LRRC49: variants seen among roughly 807,000 people sequenced by gnomAD.
LRRC49 encodes the protein leucine-rich repeat-containing protein 49.
A neutral mutation model predicts 83.3 loss-of-function variants in LRRC49; 50 were observed. That is an observed-to-expected ratio of 0.60 (90% CI 0.48 to 0.76). LRRC49 has a LOEUF of 0.76. Among genes scored for constraint, LRRC49 ranks in the 30% least tolerant of loss-of-function variants. The probability of loss-of-function intolerance (pLI) is 0.00; values close to 1 mark genes in which losing one functional copy is unlikely to be tolerated. For synonymous variants in LRRC49, 286 were observed against 283.3 expected (o/e 1.01, Z -0.10); for missense variants, 704 against 809.1 (o/e 0.87, Z 1.58).
At chr15:70,979,187 T>A (rs1567080529) in intron 9 of LRRC49, among the ~76,000 whole-genome samples, 1 of 152,122 alleles carries the variant, frequency 6.6e-6, no homozygotes, top group African/African-American at 2.4e-5. Context: ...TTATAACCTT[T>A]AAAAAAATTG....
At chr15:70,971,477 A>G (rs1480821004) in intron 9 of LRRC49, among the ~76,000 whole-genome samples, 2 of 152,182 alleles carry the variant, frequency 1.3e-5, no homozygotes, top group East Asian at 1.9e-4. Context: ...GTAGATGTCT[A>G]TTAGGTCCAC....
In LRRC49 at chr15:70,912,638, C is replaced by T. The variant is rs1297856320; in HGVS notation, c.567+1040C>T. Among the ~76,000 whole-genome samples the T allele has an allele frequency of 2.6e-5, 4 of 151,600 alleles. No individual in the cohort carries two copies. In the East Asian group the frequency reaches 7.7e-4, roughly 29 times the overall value. ...CCAATTATGTTCAATTTGTCTATTC[C>T]TGTATCTGTCTGAATTTCTATATTT... On this transcript the variant is annotated intron_variant, in intron 6 of 15. Coordinates refer to ENST00000260382, the MANE Select transcript of LRRC49 (RefSeq NM_017691.5).
intron 8 of LRRC49, among the ~76,000 whole-genome samples, chr15:70,940,251 A>ATTT (rs398027829): frequency 2.0e-4 from 17 of 87,068 alleles, no homozygotes; most frequent in Non-Finnish European, 2.6e-4. Flanking sequence ...GAATATATGG[A>ATTT]TTTTTTTTTT....
At chr15:70,871,774 G>A (rs1337871623) in intron 1 of LRRC49, among the ~76,000 whole-genome samples, 3 of 151,372 alleles carry the variant, frequency 2.0e-5, no homozygotes, top group Admixed American at 6.6e-5. Flanking sequence ...CGGCCGGGCA[G>A]AGGCTCTCCT....
At chr15:70,987,378 C>T (rs1323569894) in intron 11 of LRRC49, among the ~76,000 whole-genome samples, 2 of 152,150 alleles carry the variant, frequency 1.3e-5, no homozygotes, top group Admixed American at 6.5e-5. Flanking sequence ...GTGTATGTGT[C>T]GAGGAATTTA....
intron 8 of LRRC49, among the ~76,000 whole-genome samples, chr15:70,949,338 G>C (rs1181072050): frequency 6.6e-6 from 1 of 152,184 alleles, no homozygotes; most frequent in East Asian, 1.9e-4. Context: ...CTGTTGTCTA[G>C]TGATATCATA....
intron 2 of LRRC49, among the ~76,000 whole-genome samples, chr15:70,884,686 T>C (rs2033358440): frequency 1.3e-5 from 2 of 152,194 alleles, no homozygotes; most frequent in South Asian, 4.1e-4. Context: ...AAGCCAAGCA[T>C]TGTCAAAGTC....
At chr15:71,032,321 A>T (rs1341469384) in intron 14 of LRRC49, among the ~76,000 whole-genome samples, 2 of 151,982 alleles carry the variant, frequency 1.3e-5, no homozygotes, top group African/African-American at 2.4e-5. Flanking sequence ...TTGCCTAACC[A>T]GTCCCAATGA....
chr15:71,005,793 T>C (rs1415743982), intron 11 of LRRC49, among the ~76,000 whole-genome samples: 1 of 152,182 alleles, frequency 6.6e-6, no homozygotes, highest in African/African-American at 2.4e-5. Context: ...AATTAGTTAA[T>C]TAATTAATAT....
At position 71,002,939 on chromosome 15, in the gene LRRC49, C is replaced by CTTTTTTT. The variant is rs35998597; in HGVS notation, c.1170-5420_1170-5414dup. Among the ~76,000 whole-genome samples, 230 of 43,036 alleles carry CTTTTTTT rather than the reference C, an allele frequency of 5.3e-3. 65 individuals carry two copies. Among genetic ancestry groups the CTTTTTTT allele is most frequent in the African/African-American group, 0.022 (213 of 9,734 alleles). The allele number at this position is 43,036 out of a possible 152,430, so 28.2% of individuals were successfully genotyped here. A position where few individuals can be genotyped will look rare whatever the true frequency, so the allele number is the denominator to read the frequency against. On this transcript the variant is annotated intron_variant, in intron 11 of 15. Coordinates refer to ENST00000260382, the MANE Select transcript of LRRC49 (RefSeq NM_017691.5). ...GAAAAGGCATAGGATATTTTCTGGCCTTTTTTTTTTTTTTTTTTTTTTTTT... is the reference window on the plus strand; with the variant it reads ...GAAAAGGCATAGGATATTTTCTGGCCTTTTTTTTTTTTTTTTTTTTTTTTTTTTTTTT...
intron 1 of LRRC49, among the ~76,000 whole-genome samples, chr15:70,863,785 G>T (rs1023914279): frequency 2.0e-5 from 3 of 152,216 alleles, no homozygotes; most frequent in Non-Finnish European, 4.4e-5. Flanking sequence ...AAGCTAGGGG[G>T]ACTGTACATG....
At chr15:71,049,060 G>GA (rs1199454204) in intron 15 of LRRC49, among the ~76,000 whole-genome samples, 1 of 152,148 alleles carries the variant, frequency 6.6e-6, no homozygotes, top group Non-Finnish European at 1.5e-5. Flanking sequence ...TTTACCACAG[G>GA]AATCTGTGAG....
chr15:70,918,088 T>G (rs895850142), intron 6 of LRRC49: 2 of 152,390 alleles, frequency 1.3e-5, no homozygotes, highest in Non-Finnish European at 2.9e-5. Flanking sequence ...GCAGTGTTCC[T>G]GGTCCAGCCA....
At chr15:70,893,514 C>CTT (rs3840844) in intron 1 of LRRC49, 70 bp from the exon 2 acceptor site, 82 of 800,688 alleles carry the variant, frequency 1.0e-4, no homozygotes, top group Admixed American at 1.8e-4. Context: ...CTGTTTGTAC[C>CTT]TTTTTTTTTT....
intron 8 of LRRC49, among the ~76,000 whole-genome samples, chr15:70,953,653 T>C (rs2036297892): frequency 6.6e-6 from 1 of 152,146 alleles, no homozygotes; most frequent in Non-Finnish European, 1.5e-5. Context: ...CTTGAATTTG[T>C]ATATCACCCT....
intron 8 of LRRC49, among the ~76,000 whole-genome samples, chr15:70,950,282 A>G (rs1158560113): frequency 1.3e-5 from 2 of 152,114 alleles, no homozygotes; most frequent in East Asian, 1.9e-4. Context: ...TCTTTTTGGT[A>G]GAATGATTTA....
chr15:70,895,720 G>T, intron 2 of LRRC49, 129 bp from the exon 3 acceptor site: 1 of 534,010 alleles, frequency 1.9e-6, no homozygotes, highest in Non-Finnish European at 3.3e-6. Flanking sequence ...CTTTCACTTG[G>T]CATGATGTTT....
upstream of LRRC49, among the ~76,000 whole-genome samples, chr15:70,890,088 T>C (rs759379916): frequency 3.2e-4 from 49 of 152,228 alleles, no homozygotes; most frequent in Non-Finnish European, 5.9e-5. Context: ...ATGCTGGATC[T>C]GTTTCCCAAC....
intron 14 of LRRC49, among the ~76,000 whole-genome samples, chr15:71,034,419 T>G (rs2039456579): frequency 6.6e-6 from 1 of 151,792 alleles, no homozygotes; most frequent in African/African-American, 2.4e-5. Context: ...ATAGGAATGC[T>G]TTTACACTGT....
Sources: allele counts gnomAD v4.1 joint callset (sites outside exome capture counted in the v4.1 genomes callset), GRCh38; gene constraint gnomAD v4.1.1; transcripts MANE v1.5; gene names NCBI Gene and HGNC (gene_info 2026-07-23, HGNC 2026-07-21).